BPTF: variants seen among roughly 807,000 people sequenced by gnomAD.
BPTF encodes the protein nucleosome-remodeling factor subunit BPTF.
Under a neutral mutation model 292.5 loss-of-function variants are expected in BPTF, and 18 were observed. The observed-to-expected ratio is 0.06, with a 90% CI of 0.04 to 0.09. BPTF has a LOEUF of 0.09. Among genes scored for constraint, BPTF ranks in the 10% least tolerant of loss-of-function variants. The pLI is 1.00. For missense variants in BPTF, 2,726 were observed against 3,498.7 expected (o/e 0.78, Z 5.57); for synonymous variants, 1,225 against 1,251.9 (o/e 0.98, Z 0.45).
At chr17:67,949,234 A>G (rs1405813752) in intron 23 of BPTF, among the ~76,000 whole-genome samples, 2 of 152,060 alleles carry the variant, frequency 1.3e-5, no homozygotes, top group African/African-American at 4.8e-5. Context: ...ACATGGTGGC[A>G]TACGCCTGTA....
chr17:67,922,020 G>T (rs2063483486), intron 13 of BPTF, among the ~76,000 whole-genome samples: 1 of 151,970 alleles, frequency 6.6e-6, no homozygotes, highest in African/African-American at 2.4e-5. Flanking sequence ...AACAGAGCAA[G>T]ACTCTGTCTC....
At position 67,964,383 on chromosome 17, in the gene BPTF, G is replaced by C; in HGVS notation, c.8433G>C (p.Lys2811Asn). The C allele has an allele frequency of 1.9e-6, 3 of 1,614,060 alleles. No individual in the cohort carries two copies. Among genetic ancestry groups the C allele is most frequent in the Non-Finnish European group, 2.5e-6 (3 of 1,179,930 alleles). Residue 2811 changes from lysine (K) to asparagine (N), a missense_variant, in exon 25 of 28, where the codon AAG (lysine) becomes AAC (asparagine). This residue lies in a region of BPTF where 48 missense variants were observed against 114.2 expected (regional missense o/e 0.42). Transcript: ENST00000306378. ...PLTEKDYEGL[K>N]RVLRSLQAHK... ...CAGAGAAGGATTATGAGGGGTTGAA[G>C]AGGGTGCTCCGTTCCTTACAGGTGA...
intron 2 of BPTF, among the ~76,000 whole-genome samples, chr17:67,865,730 C>A (rs1000171354): frequency 7.2e-5 from 11 of 152,056 alleles, no homozygotes; most frequent in Admixed American, 4.6e-4. Flanking sequence ...CATTAATTTG[C>A]CTGTTTGTTT....
Position 67,828,756 on chromosome 17 carries a change from G to A in BPTF, c.613+2419G>A, listed in dbSNP as rs2056362592. On this transcript the variant is annotated intron_variant, in intron 1 of 27. Coordinates refer to ENST00000306378, the MANE Select transcript of BPTF (RefSeq NM_182641.4). ...TTGGTCAGGCTGGTCTTGAACTCCC[G>A]ACCTCAGTTGATCCACCTGCCTCAG... Among the ~76,000 whole-genome samples the A allele has an allele frequency of 2.0e-5, 3 of 152,146 alleles. No individual in the cohort carries two copies. The South Asian group carries it at 6.2e-4, about 32-fold the overall frequency.
At chr17:67,920,897 GA>G (rs1270665412) in intron 13 of BPTF, among the ~76,000 whole-genome samples, 2 of 151,588 alleles carry the variant, frequency 1.3e-5, no homozygotes, top group Non-Finnish European at 2.9e-5. Context: ...AAATATTTAG[GA>G]AAAAACCTAG....
intron 1 of BPTF, among the ~76,000 whole-genome samples, chr17:67,843,241 C>CATGTAAATATATATCTACATAT (rs1198113599): frequency 1.9e-4 from 27 of 145,342 alleles, no homozygotes; most frequent in Admixed American, 7.2e-4. Context: ...TATCTACATA[C>CATGTAAATATATATCTACATAT]ATGTAAATAT....
intron 26 of BPTF, among the ~76,000 whole-genome samples, chr17:67,970,878 C>T (rs2068682090): frequency 6.6e-6 from 1 of 152,148 alleles, no homozygotes; most frequent in Non-Finnish European, 1.5e-5. Context: ...TGCCACTGGA[C>T]ATCTTTGTTT....
chr17:67,938,223 T>G (rs572720647), intron 18 of BPTF, among the ~76,000 whole-genome samples: 4 of 152,228 alleles, frequency 2.6e-5, no homozygotes, highest in Admixed American at 2.0e-4. Context: ...TCAGTACCAA[T>G]CCTTTTATCT....
At chr17:67,976,659 CTGAG>C (rs1162568905) in intron 27 of BPTF, among the ~76,000 whole-genome samples, 4 of 133,174 alleles carry the variant, frequency 3.0e-5, no homozygotes, top group South Asian at 2.3e-4. Context: ...GCTCTCCAAC[CTGAG>C]TGACAGAGTG....
At chr17:67,858,915 A>G (rs1327113007) in intron 2 of BPTF, among the ~76,000 whole-genome samples, 1 of 152,198 alleles carries the variant, frequency 6.6e-6, no homozygotes, top group Admixed American at 6.5e-5. Context: ...CACATACAGA[A>G]AAACCTTGAC....
At chr17:67,964,156 A>T in intron 24 of BPTF, 56 bp from the exon 25 acceptor site, 4 of 1,532,876 alleles carry the variant, frequency 2.6e-6, no homozygotes, top group Admixed American at 1.8e-5. Flanking sequence ...ATGCTTTATT[A>T]TAAGTAACAT....
chr17:67,845,200 A>G (rs1002047861), intron 1 of BPTF, among the ~76,000 whole-genome samples: 1 of 152,174 alleles, frequency 6.6e-6, no homozygotes, highest in African/African-American at 2.4e-5. Context: ...ATGTGCTAGA[A>G]TCATCCCTGT....
At chr17:67,829,921 A>G (rs2056509965) in intron 1 of BPTF, among the ~76,000 whole-genome samples, 1 of 152,270 alleles carries the variant, frequency 6.6e-6, no homozygotes, top group Non-Finnish European at 1.5e-5. Context: ...TAAAGTCATG[A>G]AAGGTTTATT....
At chr17:67,932,926 A>T (rs1228888075) in intron 18 of BPTF, among the ~76,000 whole-genome samples, 6 of 151,696 alleles carry the variant, frequency 4.0e-5, no homozygotes, top group African/African-American at 1.5e-4. Context: ...GGAAAAATTT[A>T]TGAAAAAGAG....
chr17:67,960,077 G>A, intron 24 of BPTF: 1 of 485,892 alleles, frequency 2.1e-6, no homozygotes, highest in Non-Finnish European at 3.6e-6. Context: ...GTTTGTGATT[G>A]TCCTTTGTTA....
At chr17:67,942,337 C>CAAACCA (rs2065444403) in intron 19 of BPTF, among the ~76,000 whole-genome samples, 1 of 151,500 alleles carries the variant, frequency 6.6e-6, no homozygotes, top group African/African-American at 2.4e-5. Context: ...AAAAAAAGGA[C>CAAACCA]AAACCAACAT....
intron 4 of BPTF, among the ~76,000 whole-genome samples, chr17:67,885,660 C>T (rs1345607760): frequency 6.6e-6 from 1 of 152,128 alleles, no homozygotes; most frequent in Non-Finnish European, 1.5e-5. Context: ...AGGCAGAAGA[C>T]CATAGAGTTA....
chr17:67,863,913 CA>C (rs1189569364), intron 2 of BPTF, among the ~76,000 whole-genome samples: 1 of 152,018 alleles, frequency 6.6e-6, no homozygotes, highest in African/African-American at 2.4e-5. Context: ...AAAATGTAGA[CA>C]TATAATATGT....
chr17:67,933,380 G>A (rs1168315443), intron 18 of BPTF, among the ~76,000 whole-genome samples: 1 of 151,856 alleles, frequency 6.6e-6, no homozygotes, highest in South Asian at 2.1e-4. Context: ...GACCAGTCTG[G>A]GCAACATAGG....
Sources: allele counts gnomAD v4.1 joint callset (sites outside exome capture counted in the v4.1 genomes callset), GRCh38; gene constraint gnomAD v4.1.1; regional missense constraint gnomAD v4.1.1; transcripts MANE v1.5; gene names NCBI Gene and HGNC (gene_info 2026-07-23, HGNC 2026-07-21).